Variants in DLG1 observed in about 807,000 individuals in gnomAD.
DLG1 encodes discs large MAGUK scaffold protein 1, also known as disks large homolog 1.
In DLG1, 42 loss-of-function variants were observed where a neutral mutation model predicts 123.4. That is an observed-to-expected ratio of 0.34 (90% confidence interval 0.27 to 0.44). The LOEUF (loss-of-function observed/expected upper bound fraction) is 0.44. DLG1 is among the 20% of genes least tolerant of loss of function. The pLI is 1.00. For missense variants in DLG1, 942 were observed against 1,082.6 expected (o/e 0.87, Z 1.82); for synonymous variants, 317 against 356.2 (o/e 0.89, Z 1.24).
At chr3:197,121,823 C>CAAAAAAAAAAAAAAAAAAAAAAA (rs71161995) in intron 11 of DLG1, among the ~76,000 whole-genome samples, 2 of 102,000 alleles carry the variant, frequency 2.0e-5, no homozygotes, top group Non-Finnish European at 3.7e-5. Flanking sequence ...ACAATCACCA[C>CAAAAAAAAAAAAAAAAAAAAAAA]AAAAAAAAAA....
rs943194382 is a variant in DLG1 at position 197,266,747 on chromosome 3, T to C, written c.318+15932A>G. ...GAGAAGATTAATGAACTTGAAGACA[T>C]AGCAACAGCAATTGTCTAAAATTTA... On this transcript the variant is annotated intron_variant, in intron 4 of 24. Transcript: ENST00000667157. 3.3e-5 allele frequency among the ~76,000 whole-genome samples: 5 copies of C among 151,784 alleles called. No individual in the cohort carries two copies. The South Asian group carries it at 8.3e-4, about 25-fold the overall frequency.
chr3:197,201,220 A>T (rs1167964572), intron 4 of DLG1, among the ~76,000 whole-genome samples: 1 of 152,168 alleles, frequency 6.6e-6, no homozygotes, highest in African/African-American at 2.4e-5. Context: ...CGTCTCTACT[A>T]AAAATACAAA....
intron 14 of DLG1, among the ~76,000 whole-genome samples, chr3:197,101,867 C>A (rs1216976191): frequency 6.6e-6 from 1 of 152,068 alleles, no homozygotes; most frequent in Non-Finnish European, 1.5e-5. Context: ...TCATAGCAAT[C>A]CTGCCTTGGC....
In DLG1 at chr3:197,071,427, C is replaced by G. The variant is rs898743373; in HGVS notation, c.2006-2167G>C. ...TCTTTTTTTTTTTTTTTTGAGATTT[C>G]TCCTACTCACCTCAAACCCTCTAAG... On this transcript the variant is annotated intron_variant, in intron 18 of 24. Coordinates refer to ENST00000667157, the MANE Select transcript of DLG1 (RefSeq NM_001366207.1). 2.6e-5 allele frequency among the ~76,000 whole-genome samples: 3 copies of G among 116,828 alleles called. No individual in the cohort carries two copies. The South Asian group carries it at 8.1e-4, about 32-fold the overall frequency. The allele number at this position is 116,828 out of a possible 152,430, so 76.6% of individuals were successfully genotyped here.
At chr3:197,230,111 G>T (rs1246694490) in intron 4 of DLG1, among the ~76,000 whole-genome samples, 7 of 152,082 alleles carry the variant, frequency 4.6e-5, no homozygotes, top group African/African-American at 9.7e-5. Context: ...TATCAGGCAA[G>T]CTTTAAAACA....
chr3:197,113,120 T>C (rs1407936084), intron 13 of DLG1, among the ~76,000 whole-genome samples: 1 of 152,226 alleles, frequency 6.6e-6, no homozygotes, highest in Non-Finnish European at 1.5e-5. Flanking sequence ...TATCTAGGTA[T>C]TATAGCACCA....
At chr3:197,290,873 G>A (rs1406195419) in intron 3 of DLG1, among the ~76,000 whole-genome samples, 6 of 127,612 alleles carry the variant, frequency 4.7e-5, no homozygotes, top group African/African-American at 1.8e-4. Flanking sequence ...CTGGGTGGCA[G>A]AGCAAGACCC....
chr3:197,205,081 C>T lies in DLG1; in HGVS notation c.319-10492G>A, dbSNP rs1297762346. 3.9e-5 allele frequency among the ~76,000 whole-genome samples: 6 copies of T among 152,254 alleles called. No homozygotes were observed. The East Asian group carries it at 1.2e-3, about 29-fold the overall frequency. On this transcript the variant is annotated intron_variant, in intron 4 of 24. Transcript: ENST00000667157. Reference sequence around the variant, plus strand: ...AAATAAAAAATAAAAATGTGTTCAACCTTCATATGATAAAGCTATACATGT... The same window carrying T: ...AAATAAAAAATAAAAATGTGTTCAATCTTCATATGATAAAGCTATACATGT...
In DLG1 at chr3:197,244,865, C is replaced by T. The variant is rs528523061; in HGVS notation, c.318+37814G>A. Among the ~76,000 whole-genome samples, 3 of 152,028 alleles carry T rather than the reference C, an allele frequency of 2.0e-5. No homozygotes were observed. In the South Asian group the frequency reaches 6.2e-4, roughly 32 times the overall value. On this transcript the variant is annotated intron_variant, in intron 4 of 24. Transcript: ENST00000667157. ...CAAGGGTGGCATCTGTACTAAAAAG[C>T]CTTTAGCTTTGAGGGAAGAGAAAGT...
At chr3:197,156,947 G>A (rs535244560) in intron 5 of DLG1, among the ~76,000 whole-genome samples, 4 of 152,260 alleles carry the variant, frequency 2.6e-5, no homozygotes, top group African/African-American at 9.6e-5. Context: ...ATACCAAAGA[G>A]ACACAGAACT....
chr3:197,065,234 A>C (rs369253054), intron 22 of DLG1, 42 bp downstream of exon 22: 1 of 1,542,646 alleles, frequency 6.5e-7, no homozygotes, highest in Non-Finnish European at 8.7e-7. Context: ...TCAAAGGCAT[A>C]TCTGATTAGA....
At chr3:197,140,706 A>T (rs1787517187) in intron 7 of DLG1, among the ~76,000 whole-genome samples, 1 of 152,170 alleles carries the variant, frequency 6.6e-6, no homozygotes, top group South Asian at 2.1e-4. Context: ...TTTAGCCTTT[A>T]AAAAAGGGGG....
intron 18 of DLG1, among the ~76,000 whole-genome samples, chr3:197,072,831 G>A (rs1353671715): frequency 7.9e-5 from 12 of 152,044 alleles, no homozygotes; most frequent in Non-Finnish European, 7.4e-5. Flanking sequence ...CGAGTAGCTT[G>A]GATTACAGGT....
At chr3:197,118,190 C>G (rs1394954112) in intron 12 of DLG1, among the ~76,000 whole-genome samples, 1 of 152,132 alleles carries the variant, frequency 6.6e-6, no homozygotes, top group Non-Finnish European at 1.5e-5. Context: ...GCAAATATAA[C>G]TTATTTTTTA....
chr3:197,246,116 T>C (rs1463397271), intron 4 of DLG1, among the ~76,000 whole-genome samples: 1 of 152,176 alleles, frequency 6.6e-6, no homozygotes, highest in African/African-American at 2.4e-5. Context: ...ACAATTCACA[T>C]GTTTGAGCGG....
chr3:197,171,020 A>C (rs1803932223), intron 5 of DLG1, among the ~76,000 whole-genome samples: 1 of 152,230 alleles, frequency 6.6e-6, no homozygotes, highest in Non-Finnish European at 1.5e-5. Flanking sequence ...ACTGTGGGTT[A>C]GTAAGGATCT....
chr3:197,276,883 A>G lies in DLG1; in HGVS notation c.318+5796T>C, dbSNP rs571121816. ...AAAAATCAAAATTTTTATTTTTTTTAATTTTTAACTTTTTTTTTCTTGTTT... is the reference window on the plus strand; with the variant it reads ...AAAAATCAAAATTTTTATTTTTTTTGATTTTTAACTTTTTTTTTCTTGTTT... On this transcript the variant is annotated intron_variant, in intron 4 of 24. Transcript: ENST00000667157. Among the ~76,000 whole-genome samples the G allele has an allele frequency of 2.6e-5, 4 of 151,924 alleles. No individual in the cohort carries two copies. The East Asian group carries it at 5.8e-4, about 22-fold the overall frequency.
intron 3 of DLG1, among the ~76,000 whole-genome samples, chr3:197,291,426 G>A (rs551246328): frequency 6.6e-6 from 1 of 151,938 alleles, no homozygotes; most frequent in South Asian, 2.1e-4. Flanking sequence ...TACCACTATA[G>A]CTGGAAGATC....
At chr3:197,275,454 C>T (rs941319650) in intron 4 of DLG1, among the ~76,000 whole-genome samples, 2 of 152,182 alleles carry the variant, frequency 1.3e-5, no homozygotes, top group Non-Finnish European at 2.9e-5. Context: ...CCATGTTTAT[C>T]GCACCACTAT....
Sources: gnomAD v4.1 joint callset for allele counts (sites outside exome capture counted in the v4.1 genomes callset) on GRCh38, gnomAD v4.1.1 for gene constraint, MANE v1.5 for transcripts, NCBI Gene and HGNC (gene_info 2026-07-23, HGNC 2026-07-21) for gene names.